Variants in CALY observed in about 807,000 individuals in gnomAD.
CALY encodes the protein calcyon neuron specific vesicular protein, also known as neuron-specific vesicular protein calcyon.
In CALY, 15 loss-of-function variants were observed where a neutral mutation model predicts 20.2. The observed-to-expected ratio is 0.74, with a 90% confidence interval of 0.50 to 1.14. The LOEUF (loss-of-function observed/expected upper bound fraction) is 1.14, where lower values mean the gene tolerates loss of function less well. Among genes scored for constraint, CALY ranks in the 50% most tolerant of loss-of-function variants. The pLI is 0.00. For synonymous variants in CALY, 129 were observed against 131.8 expected, an observed-to-expected ratio of 0.98 and a Z score of 0.15; for missense variants, 270 against 304.4, an observed-to-expected ratio of 0.89 and a Z score of 0.84.
intron 3 of CALY, chr10:133,327,598 A>G: frequency 1.7e-6 from 1 of 592,782 alleles, no homozygotes; most frequent in Non-Finnish European, 3.0e-6. Context: ...CCCGTAAGTC[A>G]CTGAAGATGA....
chr10:133,324,471 TGGGC>T lies in CALY; in HGVS notation c.*1120_*1123del. 1.7e-5 allele frequency: 2 copies of T among 117,504 alleles called. No individual in the cohort carries two copies. The allele number at this position is 117,504 out of a possible 1,614,324, so 7.3% of individuals were successfully genotyped here. A position where few individuals can be genotyped will look rare whatever the true frequency, so the allele number is the denominator to read the frequency against. On this transcript the variant is annotated 3_prime_UTR_variant, in exon 6 of 6. Coordinates refer to ENST00000252939, the MANE Select transcript of CALY (RefSeq NM_015722.4). ...ATCCACCAATGGTCGGGGGCTGGGG[TGGGC>T]GGGGCTGCAGAGCCGCTGCTGGCTG...
chr10:133,332,728 A>G (rs1240738186), intron 1 of CALY, among the ~76,000 whole-genome samples: 1 of 152,210 alleles, frequency 6.6e-6, no homozygotes, highest in African/African-American at 2.4e-5. Flanking sequence ...TAATCAAGCT[A>G]AAATAAACTC....
rs1425352076 is a variant in CALY, at chr10:133,328,195, G to C, written c.136-180C>G. ...CAGCCACAAAGTGAGGCCAAGGGAAGGTGGACGCTGAAAGTCTGTCTGCTG... is the reference window on the plus strand; with the variant it reads ...CAGCCACAAAGTGAGGCCAAGGGAACGTGGACGCTGAAAGTCTGTCTGCTG... On this transcript the variant is annotated intron_variant, in intron 2 of 5. Transcript: ENST00000252939. Among the ~76,000 whole-genome samples, 5 of 152,200 alleles carry C rather than the reference G, an allele frequency of 3.3e-5. No homozygotes were observed. In the East Asian group the frequency reaches 5.8e-4, roughly 18 times the overall value.
rs1212283115 is a variant in CALY, at chr10:133,324,255, G to A, written c.*1340C>T. On this transcript the variant is annotated 3_prime_UTR_variant, in exon 6 of 6. Coordinates refer to ENST00000252939, the MANE Select transcript of CALY (RefSeq NM_015722.4). ...TAGAAGCCCAGCAGTGAAGGGTGTG[G>A]TGTGCATGGCCCTGCCTTCCCTGAC... is the stretch of plus-strand genomic sequence containing the variant. 4.6e-6 allele frequency: 2 copies of A among 436,678 alleles called. No individual in the cohort carries two copies. Among genetic ancestry groups the A allele is most frequent in the Non-Finnish European group, 9.3e-6 (2 of 214,550 alleles). 27.1% of individuals were successfully genotyped at this position (436,678 alleles called of 1,614,324 possible).
chr10:133,328,900 G>A lies in CALY; in HGVS notation c.90C>T (p.Ile30=). The change falls in exon 2 of 6, where the codon ATC becomes ATT. Residue 30 remains isoleucine, a synonymous_variant. Coordinates refer to ENST00000252939, the MANE Select transcript of CALY (RefSeq NM_015722.4). ...GGAGCTGGCTGATGTCCAAGGGGCT[G>A]ATCAGAGGCACACTGTCCATGGCAG... is the stretch of plus-strand genomic sequence containing the variant. ...DGAAMDSVPL[I]SPLDISQLQP... is the part of the protein sequence containing the mutation. 6.4e-7 allele frequency: 1 copy of A among 1,551,900 alleles called. No homozygotes were observed. The highest frequency in any genetic ancestry group is 8.7e-7 in the Non-Finnish European group (1 of 1,148,344).
intron 1 of CALY, among the ~76,000 whole-genome samples, chr10:133,332,627 A>G (rs1022471242): frequency 2.0e-5 from 3 of 152,194 alleles, no homozygotes; most frequent in African/African-American, 7.2e-5. Flanking sequence ...GGGTTGAATG[A>G]TGTTCCCTCA....
intron 4 of CALY, among the ~76,000 whole-genome samples, chr10:133,326,545 G>A (rs548224800): frequency 2.7e-4 from 41 of 152,126 alleles, no homozygotes; most frequent in Admixed American, 1.0e-3. Context: ...TGCCAAATAG[G>A]TGGGGAGCAT....
intron 1 of CALY, among the ~76,000 whole-genome samples, chr10:133,329,392 C>CTTCTTCTTCT (rs549430070): frequency 7.3e-6 from 1 of 137,452 alleles, no homozygotes; most frequent in African/African-American, 2.9e-5. Context: ...TCTTCTTCTT[C>CTTCTTCTTCT]TTTTTTTTTT....
chr10:133,326,294 G>C, intron 4 of CALY, 174 bp from the exon 5 acceptor site: 4 of 1,549,676 alleles, frequency 2.6e-6, no homozygotes, highest in Non-Finnish European at 3.5e-6. Flanking sequence ...GAGGGGCATG[G>C]AGCAGGAGGT....
intron 5 of CALY, 114 bp from the exon 6 acceptor site, chr10:133,325,680 G>A: frequency 2.2e-6 from 1 of 455,620 alleles, no homozygotes; most frequent in Non-Finnish European, 3.4e-6. Flanking sequence ...GGTTCTGGCG[G>A]GCCGGGTCGG....
chr10:133,325,868 G>T lies in CALY; in HGVS notation c.613C>A (p.Arg205=). ...PSAKAEKEAA[R]KAAGSAAPPP... is the part of the protein sequence containing the mutation. Reference sequence around the variant, plus strand: ...GGCGCCGCGCTCCCGGCCGCCTTCCGCGCCGCCTCCTTCTCCGCCTTGGCC... The same window carrying T: ...GGCGCCGCGCTCCCGGCCGCCTTCCTCGCCGCCTCCTTCTCCGCCTTGGCC... Residue 205 remains arginine, a synonymous_variant, in exon 5 of 6, where the codon CGG becomes AGG. Coordinates refer to ENST00000252939, the MANE Select transcript of CALY (RefSeq NM_015722.4). 8.0e-7 allele frequency: 1 copy of T among 1,244,654 alleles called. No individual in the cohort carries two copies. Among genetic ancestry groups the T allele is most frequent in the Non-Finnish European group, 1.0e-6 (1 of 996,342 alleles). The allele number at this position is 1,244,654 out of a possible 1,614,324, so 77.1% of individuals were successfully genotyped here.
chr10:133,336,149 C>T (rs1015964386), intron 1 of CALY, among the ~76,000 whole-genome samples: 5 of 152,172 alleles, frequency 3.3e-5, no homozygotes, highest in Admixed American at 2.6e-4. Flanking sequence ...CCTGGCGCTG[C>T]AGGGGGCTGT....
At chr10:133,329,940 T>G (rs1848275784) in intron 1 of CALY, among the ~76,000 whole-genome samples, 1 of 152,164 alleles carries the variant, frequency 6.6e-6, no homozygotes, top group South Asian at 2.1e-4. Flanking sequence ...TCAGCCCAGC[T>G]GCGAGCCTGG....
At chr10:133,334,809 C>T (rs1448879884) in intron 1 of CALY, among the ~76,000 whole-genome samples, 2 of 152,032 alleles carry the variant, frequency 1.3e-5, no homozygotes, top group Admixed American at 1.3e-4. Flanking sequence ...CCTGGCCACG[C>T]GCTTTGGGGC....
At chr10:133,335,308 G>A (rs758245667) in intron 1 of CALY, among the ~76,000 whole-genome samples, 1 of 152,176 alleles carries the variant, frequency 6.6e-6, no homozygotes, top group Non-Finnish European at 1.5e-5. Context: ...ACCAGGGCCC[G>A]CAGCGCCATA....
Position 133,324,627 on chromosome 10 carries a change from T to A in CALY, c.*968A>T, listed in dbSNP as rs941175078. On this transcript the variant is annotated 3_prime_UTR_variant, in exon 6 of 6. Coordinates refer to ENST00000252939, the MANE Select transcript of CALY (RefSeq NM_015722.4). ...GTGGGCGGGGCTGCAGAGCTGCTGC[T>A]GGCTGGGGTGGGCGGGGCTGCAGAG... The A allele has an allele frequency of 5.7e-5, 1 of 17,448 alleles. No homozygotes were observed. Among genetic ancestry groups the A allele is most frequent in the African/African-American group, 2.8e-4 (1 of 3,634 alleles). The allele number at this position is 17,448 out of a possible 1,614,324, so 1.1% of individuals were successfully genotyped here.
chr10:133,331,392 A>G (rs1477708352), intron 1 of CALY, among the ~76,000 whole-genome samples: 1 of 152,238 alleles, frequency 6.6e-6, no homozygotes, highest in Non-Finnish European at 1.5e-5. Flanking sequence ...ATATATAGAC[A>G]AATCATAAGG....
intron 1 of CALY, 87 bp from the exon 2 acceptor site, chr10:133,329,096 T>A: frequency 8.6e-7 from 1 of 1,168,138 alleles, no homozygotes; most frequent in Non-Finnish European, 1.2e-6. Flanking sequence ...GACCCTGAGC[T>A]GGGCCTAATG....
At chr10:133,333,391 C>A in intron 1 of CALY, among the ~76,000 whole-genome samples, 1 of 112,402 alleles carries the variant, frequency 8.9e-6, no homozygotes, top group Non-Finnish European at 1.8e-5. Context: ...GGGAGGGATC[C>A]GAGCGGAGGG....
Sources: allele counts gnomAD v4.1 joint callset (sites outside exome capture counted in the v4.1 genomes callset), GRCh38; gene constraint gnomAD v4.1.1; transcripts MANE v1.5; gene names NCBI Gene and HGNC (gene_info 2026-07-23, HGNC 2026-07-21).